The following RPS6KA5 variants were observed in gnomAD, a reference collection of about 807,000 sequenced individuals.
RPS6KA5 encodes the protein ribosomal protein S6 kinase alpha-5.
A neutral mutation model predicts 85.5 loss-of-function variants in RPS6KA5; 27 were observed. The observed-to-expected ratio is 0.32, with a 90% CI of 0.23 to 0.44. The LOEUF is 0.44. Ranked by LOEUF, RPS6KA5 falls within the 20% of genes least tolerant of loss-of-function variation. The pLI is 1.00. For synonymous variants in RPS6KA5, 334 were observed against 348.2 expected (o/e 0.96, Z 0.46); for missense variants, 811 against 980.9 (o/e 0.83, Z 2.31).
intron 10 of RPS6KA5, 27 bp downstream of exon 10, chr14:90,900,584 G>A (rs1285772351): frequency 1.9e-5 from 31 of 1,599,212 alleles, no homozygotes; most frequent in Non-Finnish European, 2.6e-5. Flanking sequence ...CTACAAATAT[G>A]TCATATAAGT....
intron 1 of RPS6KA5, chr14:91,060,076 G>A: frequency 5.1e-6 from 5 of 985,434 alleles, no homozygotes; most frequent in Non-Finnish European, 6.0e-6. Flanking sequence ...GCAGCGGTCG[G>A]CGGCTGCGCT....
chr14:91,028,288 G>A (rs73328518), intron 1 of RPS6KA5, among the ~76,000 whole-genome samples: 20,545 of 151,920 alleles, frequency 0.14, 1,680 homozygotes, highest in East Asian at 0.31. Flanking sequence ...CACAATCAGG[G>A]CTCACTGCCA....
At chr14:90,906,345 A>T in intron 7 of RPS6KA5, 46 bp from the exon 8 acceptor site, 1 of 1,456,056 alleles carries the variant, frequency 6.9e-7, no homozygotes. Flanking sequence ...GGATGACAAA[A>T]AAAAAAAAAA....
Position 90,920,196 on chromosome 14 carries a change from C to A in RPS6KA5, c.806+10G>T. On this transcript the variant is annotated intron_variant, in intron 7 of 16. Transcript: ENST00000614987. ...AAACAATGCATTTATTTTATTTTGT[C>A]AAATCTTACCTAGATATCTCAGCTT... 2.0e-6 allele frequency: 3 copies of A among 1,515,996 alleles called. No homozygotes were observed. Among genetic ancestry groups the A allele is most frequent in the Non-Finnish European group, 2.7e-6 (3 of 1,091,166 alleles). The allele number at this position is 1,515,996 out of a possible 1,614,324, so 93.9% of individuals were successfully genotyped here.
Position 90,864,550 on chromosome 14 carries a change from T to G in RPS6KA5, c.*7524A>C, listed in dbSNP as rs1246314919. On this transcript the variant is annotated 3_prime_UTR_variant, in exon 17 of 17. Transcript: ENST00000614987. ...AAATAAAAGACTGGTATATTGGACT[T>G]CATAAAATTTTTGGTCATCAAAGGA... 6.6e-6 allele frequency: 1 copy of G among 152,220 alleles called. No individual in the cohort carries two copies. The highest frequency in any genetic ancestry group is 1.5e-5 in the Non-Finnish European group (1 of 68,042). The allele number at this position is 152,220 out of a possible 1,614,324, so 9.4% of individuals were successfully genotyped here. A position where few individuals can be genotyped will look rare whatever the true frequency, so the allele number is the denominator to read the frequency against.
At chr14:90,910,339 G>C (rs2035736611) in intron 7 of RPS6KA5, among the ~76,000 whole-genome samples, 2 of 151,940 alleles carry the variant, frequency 1.3e-5, no homozygotes, top group Non-Finnish European at 2.9e-5. Flanking sequence ...TGTGGCAAAA[G>C]GAAATCACAA....
At chr14:90,943,311 A>C in intron 4 of RPS6KA5, 126 bp from the exon 5 acceptor site, 2 of 591,202 alleles carry the variant, frequency 3.4e-6, no homozygotes, top group Non-Finnish European at 5.9e-6. Flanking sequence ...GGATCCTGTA[A>C]TGGCTCTTGG....
intron 1 of RPS6KA5, among the ~76,000 whole-genome samples, chr14:91,041,703 TCTGGACAGCATTCTG>T (rs150131545): frequency 0.027 from 4,107 of 152,328 alleles, 86 homozygotes; most frequent in Non-Finnish European, 0.037. Flanking sequence ...AAACCGTGTC[TCTGGACAGCATTCTG>T]CTGGAGGCAG....
At chr14:91,024,525 C>T (rs1287113469) in intron 1 of RPS6KA5, among the ~76,000 whole-genome samples, 1 of 152,176 alleles carries the variant, frequency 6.6e-6, no homozygotes, top group African/African-American at 2.4e-5. Context: ...AAGTCACTAA[C>T]AGTTTAGTGA....
chr14:91,006,960 G>A (rs1186458900), intron 1 of RPS6KA5, among the ~76,000 whole-genome samples: 2 of 152,178 alleles, frequency 1.3e-5, no homozygotes, highest in Non-Finnish European at 2.9e-5. Context: ...CCTCACTTAG[G>A]CCTTAAACCT....
At position 91,007,561 on chromosome 14, in the gene RPS6KA5, G is replaced by A. The variant is rs562904001; in HGVS notation, c.104-6402C>T. ...TTTAATCATTTAGGGAAAAAGAGGT[G>A]TAAATAGTTTTAATGCTCTCACAAA... is the stretch of plus-strand genomic sequence containing the variant. On this transcript the variant is annotated intron_variant, in intron 1 of 16. Coordinates refer to ENST00000614987, the MANE Select transcript of RPS6KA5 (RefSeq NM_004755.4). 1.4e-4 allele frequency among the ~76,000 whole-genome samples: 22 copies of A among 152,284 alleles called. No homozygotes were observed. The South Asian group carries it at 4.6e-3, about 32-fold the overall frequency.
In RPS6KA5 at chr14:90,860,544, T is replaced by A. The variant is rs1003409983; in HGVS notation, c.*11530A>T. On this transcript the variant is annotated 3_prime_UTR_variant, in exon 17 of 17. Transcript: ENST00000614987. ...GTGAGACTTGGTCTCAAAAATAAAA[T>A]AAAATAAAATGGTGAACCTAGTATT... 3 of 151,762 alleles carry A rather than the reference T, an allele frequency of 2.0e-5. No homozygotes were observed. Among genetic ancestry groups the A allele is most frequent in the Non-Finnish European group, 4.4e-5 (3 of 67,938 alleles). 9.4% of individuals were successfully genotyped at this position (151,762 alleles called of 1,614,324 possible).
At chr14:91,056,637 A>G (rs1051748495) in intron 1 of RPS6KA5, among the ~76,000 whole-genome samples, 5 of 152,186 alleles carry the variant, frequency 3.3e-5, no homozygotes, top group Admixed American at 6.6e-5. Flanking sequence ...CTTCCAGTGG[A>G]CAGACCATAC....
At chr14:91,050,657 G>A (rs993102868) in intron 1 of RPS6KA5, among the ~76,000 whole-genome samples, 1 of 151,978 alleles carries the variant, frequency 6.6e-6, no homozygotes, top group Non-Finnish European at 1.5e-5. Context: ...TCAAACTCCC[G>A]ACCCCAGGTG....
chr14:91,045,060 A>G (rs2042815457), intron 1 of RPS6KA5, among the ~76,000 whole-genome samples: 1 of 152,100 alleles, frequency 6.6e-6, no homozygotes, highest in South Asian at 2.1e-4. Context: ...GGCTAACACA[A>G]TAATTTAGGT....
At chr14:90,877,328 A>G (rs1308228871) in intron 14 of RPS6KA5, among the ~76,000 whole-genome samples, 1 of 152,230 alleles carries the variant, frequency 6.6e-6, no homozygotes, top group African/African-American at 2.4e-5. Flanking sequence ...TAGAAGGCAG[A>G]CAAAACTCCC....
At chr14:90,899,733 G>A (rs559427356) in intron 11 of RPS6KA5, among the ~76,000 whole-genome samples, 43 of 152,300 alleles carry the variant, frequency 2.8e-4, no homozygotes, top group African/African-American at 1.0e-3. Context: ...AAAACAACTA[G>A]ATGGCTCTCA....
intron 3 of RPS6KA5, among the ~76,000 whole-genome samples, chr14:90,960,328 A>C (rs1156723951): frequency 1.3e-5 from 2 of 152,204 alleles, no homozygotes; most frequent in Non-Finnish European, 2.9e-5. Flanking sequence ...GAAACAACAA[A>C]TAAGACAAAA....
chr14:90,951,912 C>A (rs1365149169), intron 3 of RPS6KA5, among the ~76,000 whole-genome samples: 1 of 152,138 alleles, frequency 6.6e-6, no homozygotes, highest in African/African-American at 2.4e-5. Context: ...TCCCCACTAC[C>A]ACCCCTCACA....
Sources: allele counts gnomAD v4.1 joint callset (sites outside exome capture counted in the v4.1 genomes callset), GRCh38; gene constraint gnomAD v4.1.1; transcripts MANE v1.5; gene names NCBI Gene and HGNC (gene_info 2026-07-23, HGNC 2026-07-21).